PIP4K2B: variants seen among roughly 807,000 people sequenced by gnomAD.
PIP4K2B encodes phosphatidylinositol 5-phosphate 4-kinase type-2 beta.
PIP4K2B carries 3 observed loss-of-function variants against 42.0 expected under a neutral mutation model. The ratio of observed to expected loss-of-function variants is 0.07; its 90% confidence interval spans 0.03 to 0.18. The LOEUF is 0.18. Ranked by LOEUF, PIP4K2B falls within the 10% of genes least tolerant of loss-of-function variation. The probability of loss-of-function intolerance (pLI) is 1.00; values close to 1 mark genes in which losing one functional copy is unlikely to be tolerated. For missense variants in PIP4K2B, 332 were observed against 562.3 expected (o/e 0.59, Z 4.14); for synonymous variants, 204 against 210.1 (o/e 0.97, Z 0.25).
At chr17:38,791,406 ATTTTTTTTTTTTT>A (rs58027566) in intron 1 of PIP4K2B, among the ~76,000 whole-genome samples, 1 of 91,154 alleles carries the variant, frequency 1.1e-5, no homozygotes, top group African/African-American at 5.0e-5. Flanking sequence ...CAGACTGCCA[ATTTTTTTTTTTTT>A]TTTTTTTTTT....
At chr17:38,775,595 C>T (rs566151150) in intron 7 of PIP4K2B, among the ~76,000 whole-genome samples, 6 of 152,080 alleles carry the variant, frequency 3.9e-5, no homozygotes, top group South Asian at 4.1e-4. Context: ...TGGTGGCTCA[C>T]GCCTGTAATC....
At chr17:38,778,215 T>C in intron 6 of PIP4K2B, 119 bp downstream of exon 6, 1 of 888,406 alleles carries the variant, frequency 1.1e-6, no homozygotes, top group Non-Finnish European at 1.9e-6. Context: ...CATTTCATGT[T>C]GACAGACGGC....
chr17:38,787,346 G>A (rs1003656946), intron 1 of PIP4K2B, among the ~76,000 whole-genome samples: 40 of 152,138 alleles, frequency 2.6e-4, no homozygotes, highest in Admixed American at 2.1e-3. Flanking sequence ...TTCTCTTCAA[G>A]TAAGTTCCCA....
chr17:38,782,744 T>C (rs1192752918), intron 3 of PIP4K2B, among the ~76,000 whole-genome samples: 1 of 152,174 alleles, frequency 6.6e-6, no homozygotes, highest in Non-Finnish European at 1.5e-5. Context: ...AGGCCCCTTC[T>C]GCTGCTGTGA....
intron 4 of PIP4K2B, chr17:38,780,061 A>G: frequency 5.4e-6 from 1 of 185,838 alleles, no homozygotes; most frequent in Non-Finnish European, 1.1e-5. Context: ...TGAAGACCCA[A>G]GTAGGCTGAG....
At position 38,779,439 on chromosome 17, in the gene PIP4K2B, C is replaced by T; in HGVS notation, c.598G>A (p.Val200Ile). 1.2e-6 allele frequency: 2 copies of T among 1,613,854 alleles called. No homozygotes were observed. The highest frequency in any genetic ancestry group is 1.1e-5 in the South Asian group (1 of 91,074). ...TVDGVETYMV[V>I]TRNVFSHRLT... is the part of the protein sequence containing the mutation. Reference sequence around the variant, plus strand: ...CGATGGCTGAACACGTTCCTGGTAACCACCATGTAGGTTTCCACACCATCC... The same window carrying T: ...CGATGGCTGAACACGTTCCTGGTAATCACCATGTAGGTTTCCACACCATCC... The change falls in exon 5 of 10, where the codon GTT (valine) becomes ATT (isoleucine). Residue 200 changes from valine to isoleucine, a missense_variant. Val to Ile is a conservative substitution (Grantham distance 29, BLOSUM62 3). Transcript: ENST00000619039.
chr17:38,796,608 C>A (rs1290287549), intron 1 of PIP4K2B, among the ~76,000 whole-genome samples: 1 of 152,194 alleles, frequency 6.6e-6, no homozygotes, highest in East Asian at 1.9e-4. Flanking sequence ...CCACAAAATC[C>A]ATGGGCTCTT....
chr17:38,778,937 C>G (rs1388214053), intron 5 of PIP4K2B, among the ~76,000 whole-genome samples: 11 of 152,108 alleles, frequency 7.2e-5, no homozygotes, highest in Admixed American at 7.2e-4. Context: ...GAAACCAGCC[C>G]AGTTGCAGCA....
At chr17:38,798,423 G>T (rs1910763093) in intron 1 of PIP4K2B, among the ~76,000 whole-genome samples, 1 of 152,118 alleles carries the variant, frequency 6.6e-6, no homozygotes, top group Non-Finnish European at 1.5e-5. Flanking sequence ...AGGGGCTGTT[G>T]AACAATCTCA....
chr17:38,769,160 G>A lies in PIP4K2B; in HGVS notation c.*531C>T, dbSNP rs79059962. ...CAGACAAGAGCAAATGCAGCAGGGC[G>A]AGGTGTCTGACCTCTCCAATCTGGC... On this transcript the variant is annotated 3_prime_UTR_variant, in exon 10 of 10. Coordinates refer to ENST00000619039, the MANE Select transcript of PIP4K2B (RefSeq NM_003559.5). 0.037 allele frequency: 5,655 copies of A among 153,714 alleles called. 147 individuals are homozygous for A. Among genetic ancestry groups the A allele is most frequent in the African/African-American group, 0.073 (3,021 of 41,552 alleles). The allele number at this position is 153,714 out of a possible 1,614,324, so 9.5% of individuals were successfully genotyped here. A position where few individuals can be genotyped will look rare whatever the true frequency, so the allele number is the denominator to read the frequency against.
rs542266854 is a variant in PIP4K2B at position 38,797,495 on chromosome 17, C to T, written c.159+1771G>A. On this transcript the variant is annotated intron_variant, in intron 1 of 9. Coordinates refer to ENST00000619039, the MANE Select transcript of PIP4K2B (RefSeq NM_003559.5). ...CAGCCACTCAGGCACCACCCTTGGC[C>T]GATACAGTCCCATGGTGCTAGACAA... 5.3e-5 allele frequency among the ~76,000 whole-genome samples: 8 copies of T among 152,320 alleles called. No individual in the cohort carries two copies. The South Asian group carries it at 1.2e-3, about 24-fold the overall frequency.
intron 7 of PIP4K2B, 40 bp downstream of exon 7, chr17:38,777,647 A>G (rs1909437314): frequency 7.6e-7 from 1 of 1,315,654 alleles, no homozygotes; most frequent in African/African-American, 1.4e-5. Context: ...CTCTAGGTAC[A>G]GAAGGAGCCT....
In PIP4K2B at chr17:38,771,057, T is replaced by C. The variant is rs368718467; in HGVS notation, c.1023A>G (p.Glu341=). ...CATAGACGTCAACAGAGGGGTCGAA[T>C]TCCCCAGGACCAAAGAACCGAGGAA... is the stretch of plus-strand genomic sequence containing the variant. ...LSFPRFFGPG[E]FDPSVDVYAM... Residue 341 remains glutamate, a synonymous_variant, in exon 8 of 10, where the codon GAA becomes GAG. Transcript: ENST00000619039. 15 of 1,614,106 alleles carry C rather than the reference T, an allele frequency of 9.3e-6. No homozygotes were observed. Among genetic ancestry groups the C allele is most frequent in the Non-Finnish European group, 6.8e-6 (8 of 1,180,012 alleles).
At chr17:38,797,254 T>C (rs1035533169) in intron 1 of PIP4K2B, among the ~76,000 whole-genome samples, 4 of 152,194 alleles carry the variant, frequency 2.6e-5, no homozygotes, top group Non-Finnish European at 4.4e-5. Context: ...TCGTGATACC[T>C]AACCATCAGC....
intron 3 of PIP4K2B, among the ~76,000 whole-genome samples, chr17:38,783,835 A>G (rs1909843830): frequency 1.3e-5 from 2 of 152,194 alleles, no homozygotes; most frequent in African/African-American, 4.8e-5. Context: ...TCCTGACCTC[A>G]GGTGACCTAC....
chr17:38,777,972 G>A (rs180789757), intron 6 of PIP4K2B, among the ~76,000 whole-genome samples, 172 bp from the exon 7 acceptor site: 53 of 152,320 alleles, frequency 3.5e-4, no homozygotes, highest in Admixed American at 1.9e-3. Flanking sequence ...GGCTTTGGGT[G>A]GGCAGGGAGG....
chr17:38,779,284 T>G, intron 5 of PIP4K2B, 99 bp downstream of exon 5: 1 of 1,223,520 alleles, frequency 8.2e-7, no homozygotes, highest in Non-Finnish European at 1.2e-6. Context: ...TGCCAACACA[T>G]AGGCTCCAGC....
intron 1 of PIP4K2B, among the ~76,000 whole-genome samples, chr17:38,794,981 T>A (rs1050653095): frequency 6.6e-6 from 1 of 150,630 alleles, no homozygotes; most frequent in African/African-American, 2.4e-5. Context: ...GCACCTGTAA[T>A]CCCAGTTACT....
At chr17:38,782,841 C>CT (rs955646740) in intron 3 of PIP4K2B, among the ~76,000 whole-genome samples, 2 of 152,068 alleles carry the variant, frequency 1.3e-5, no homozygotes, top group Admixed American at 1.3e-4. Flanking sequence ...GTGCTATACA[C>CT]TAGGTTTCAC....
Sources: allele counts gnomAD v4.1 joint callset (sites outside exome capture counted in the v4.1 genomes callset), GRCh38; gene constraint gnomAD v4.1.1; transcripts MANE v1.5; gene names NCBI Gene and HGNC (gene_info 2026-07-23, HGNC 2026-07-21).